NPY5R: variants seen among roughly 807,000 people sequenced by gnomAD.
The protein encoded by NPY5R is neuropeptide Y receptor Y5, also known as neuropeptide Y receptor type 5.
In NPY5R, 21 loss-of-function variants were observed where a neutral mutation model predicts 24.8. The observed-to-expected ratio is 0.85, with a 90% CI of 0.60 to 1.22. The LOEUF (loss-of-function observed/expected upper bound fraction) is 1.22. Ranked by LOEUF, NPY5R falls within the 50% of genes most tolerant of loss-of-function variation. NPY5R has a pLI of 0.00. For missense variants in NPY5R, 481 were observed against 521.3 expected, an observed-to-expected ratio of 0.92 and a Z score of 0.75; for synonymous variants, 175 against 183.0, an observed-to-expected ratio of 0.96 and a Z score of 0.35.
rs1735452031 is a variant in NPY5R, at chr4:163,350,589, C to A, written c.316C>A (p.Gln106Lys). Residue 106 changes from glutamine to lysine, a missense_variant, in exon 4 of 4, where the codon CAG becomes AAG. Physicochemically the swap from Gln to Lys is moderately conservative, Grantham distance 53. Transcript: ENST00000338566. Reference protein sequence around the residue: ...PFTLTSVLLDQWMFGKVMCHI... With the variant: ...PFTLTSVLLDKWMFGKVMCHI... ...CACACTGACGTCTGTCTTGCTGGATCAGTGGATGTTTGGCAAAGTCATGTG... is the reference window on the plus strand; with the variant it reads ...CACACTGACGTCTGTCTTGCTGGATAAGTGGATGTTTGGCAAAGTCATGTG... The A allele has an allele frequency of 6.2e-7, 1 of 1,614,166 alleles. No individual in the cohort carries two copies.
chr4:163,350,601 G>A lies in NPY5R; in HGVS notation c.328G>A (p.Gly110Ser), dbSNP rs79693996. ...TSVLLDQWMF[G>S]KVMCHIMPFL... The stretch of plus-strand genomic sequence containing the variant: ...TGTCTTGCTGGATCAGTGGATGTTT[G>A]GCAAAGTCATGTGCCATATTATGCC... Residue 110 changes from glycine (G) to serine (S), a missense_variant, in exon 4 of 4, where the codon GGC becomes AGC. Gly to Ser is a moderately conservative substitution (Grantham distance 56, BLOSUM62 0). Transcript: ENST00000338566. The A allele has an allele frequency of 3.7e-6, 6 of 1,613,990 alleles. No individual in the cohort carries two copies. The Admixed American group carries it at 5.0e-5, about 13-fold the overall frequency.
At chr4:163,346,338 C>A (rs1424426380) in intron 2 of NPY5R, among the ~76,000 whole-genome samples, 1 of 152,052 alleles carries the variant, frequency 6.6e-6, no homozygotes, top group Admixed American at 6.5e-5. Context: ...CAATTTGGGG[C>A]CTTTTATATC....
chr4:163,345,275 C>A (rs1361113300), intron 1 of NPY5R: 1 of 152,078 alleles, frequency 6.6e-6, no homozygotes, highest in Non-Finnish European at 1.5e-5. Flanking sequence ...TACTTAAAAT[C>A]TATTCAGAAG....
chr4:163,347,010 C>T (rs1735282100), intron 2 of NPY5R, among the ~76,000 whole-genome samples: 1 of 152,108 alleles, frequency 6.6e-6, no homozygotes, highest in Non-Finnish European at 1.5e-5. Context: ...TACATATACA[C>T]ACATATATAT....
Position 163,350,735 on chromosome 4 carries a change from C to G in NPY5R, c.462C>G (p.Asn154Lys). The G allele has an allele frequency of 6.2e-7, 1 of 1,614,118 alleles. No individual in the cohort carries two copies. The highest frequency in any genetic ancestry group is 8.5e-7 in the Non-Finnish European group (1 of 1,179,986). Reference protein sequence around the residue: ...KHPISNNLTANHGYFLIATVW... With the variant: ...KHPISNNLTAKHGYFLIATVW... The stretch of plus-strand genomic sequence containing the variant: ...CCATATCTAATAATTTAACAGCAAA[C>G]CATGGCTACTTTCTGATAGCTACTG... Residue 154 changes from asparagine (N) to lysine (K), a missense_variant, in exon 4 of 4, where the codon AAC becomes AAG. Coordinates refer to ENST00000338566, the MANE Select transcript of NPY5R (RefSeq NM_006174.4).
chr4:163,350,216 C>G (rs1735427067), intron 3 of NPY5R, 49 bp from the exon 4 acceptor site: 1 of 1,373,534 alleles, frequency 7.3e-7, no homozygotes, highest in South Asian at 1.5e-5. Context: ...TTAAAGTAGT[C>G]ATGTAATGTT....
Position 163,351,155 on chromosome 4 carries a change from A to G in NPY5R, c.882A>G (p.Ala294=). 2 of 1,614,118 alleles carry G rather than the reference A, an allele frequency of 1.2e-6. No individual in the cohort carries two copies. Among genetic ancestry groups the G allele is most frequent in the Non-Finnish European group, 8.5e-7 (1 of 1,179,968 alleles). ...GAAGAAGATATAGCAAGAAGACAGC[A>G]TGTGTGTTACCTGCTCCAGAAAGAC... ...KHRRRYSKKT[A]CVLPAPERPS... The change falls in exon 4 of 4, where the codon GCA becomes GCG. Residue 294 remains alanine (A), a synonymous_variant. Coordinates refer to ENST00000338566, the MANE Select transcript of NPY5R (RefSeq NM_006174.4).
chr4:163,350,885 T>G lies in NPY5R; in HGVS notation c.612T>G (p.Ser204=). Residue 204 remains serine (S), a synonymous_variant, in exon 4 of 4, where the codon TCT becomes TCG. Coordinates refer to ENST00000338566, the MANE Select transcript of NPY5R (RefSeq NM_006174.4). ...SRYLCVESWP[S]DSYRIAFTIS... is the part of the protein sequence containing the mutation. ...ATTTATGTGTTGAGTCATGGCCATCTGATTCATACAGAATTGCCTTTACTA... is the reference window on the plus strand; with the variant it reads ...ATTTATGTGTTGAGTCATGGCCATCGGATTCATACAGAATTGCCTTTACTA... 6.2e-7 allele frequency: 1 copy of G among 1,614,192 alleles called. No homozygotes were observed. Among genetic ancestry groups the G allele is most frequent in the South Asian group, 1.1e-5 (1 of 91,082 alleles).
At chr4:163,348,613 C>G (rs1181513803) in intron 3 of NPY5R, among the ~76,000 whole-genome samples, 3 of 151,470 alleles carry the variant, frequency 2.0e-5, no homozygotes, top group African/African-American at 7.3e-5. Context: ...CTACTGCACC[C>G]CAGCCTGGGC....
intron 3 of NPY5R, 158 bp from the exon 4 acceptor site, chr4:163,350,103 CAAAA>C (rs10599966): frequency 0.033 from 5,614 of 172,604 alleles, no homozygotes; most frequent in Middle Eastern, 0.058. Flanking sequence ...GACTCCGTCT[CAAAA>C]AAAAAAAAAA....
chr4:163,344,947 T>C (rs1025003256), intron 1 of NPY5R: 1 of 152,238 alleles, frequency 6.6e-6, no homozygotes, highest in African/African-American at 2.4e-5. Flanking sequence ...ATCTTTCCAA[T>C]TCAAATTGTG....
Position 163,345,911 on chromosome 4 carries a change from G to A in NPY5R, c.-81+158G>A, listed in dbSNP as rs527401235. Among the ~76,000 whole-genome samples the A allele has an allele frequency of 6.6e-5, 10 of 151,684 alleles. 1 individual carries two copies. In the South Asian group the frequency reaches 1.7e-3, roughly 25 times the overall value. On this transcript the variant is annotated intron_variant, in intron 2 of 3. Coordinates refer to ENST00000338566, the MANE Select transcript of NPY5R (RefSeq NM_006174.4). ...GGAGGCACTTTTAAAAAAACTACAC[G>A]TCCACCACCACCCCTCCCCCACCCC...
chr4:163,345,599 A>G (rs1441532781), intron 1 of NPY5R, 115 bp from the exon 2 acceptor site: 1 of 152,224 alleles, frequency 6.6e-6, no homozygotes, highest in African/African-American at 2.4e-5. Context: ...CATAATTTAT[A>G]TAGCAATTTC....
intron 3 of NPY5R, among the ~76,000 whole-genome samples, chr4:163,348,840 A>G (rs998389916): frequency 6.6e-6 from 1 of 152,076 alleles, no homozygotes; most frequent in Non-Finnish European, 1.5e-5. Flanking sequence ...AATGAAGAAA[A>G]CTTATTACCG....
At chr4:163,345,271 A>G (rs1735183595) in intron 1 of NPY5R, 1 of 152,208 alleles carries the variant, frequency 6.6e-6, no homozygotes, top group Admixed American at 6.5e-5. Flanking sequence ...AAAATACTTA[A>G]AATCTATTCA....
At position 163,345,730 on chromosome 4, in the gene NPY5R, T is replaced by C. The variant is rs1260881875; in HGVS notation, c.-104T>C. ...CCATTGTAGGTCTGCTCATTGTGTT[T>C]TTCAGGAAAAAGGAAGGGAAAGGGT... On this transcript the variant is annotated 5_prime_UTR_variant, in exon 2 of 4. Transcript: ENST00000338566. The C allele has an allele frequency of 6.6e-6, 1 of 152,190 alleles. No homozygotes were observed. Among genetic ancestry groups the C allele is most frequent in the Non-Finnish European group, 1.5e-5 (1 of 68,022 alleles). The allele number at this position is 152,190 out of a possible 1,614,324, so 9.4% of individuals were successfully genotyped here. A position where few individuals can be genotyped will look rare whatever the true frequency, so the allele number is the denominator to read the frequency against.
At chr4:163,347,715 G>A (rs1735309675) in intron 3 of NPY5R, among the ~76,000 whole-genome samples, 193 bp downstream of exon 3, 1 of 152,312 alleles carries the variant, frequency 6.6e-6, no homozygotes, top group South Asian at 2.1e-4. Flanking sequence ...GGTGCTGAGA[G>A]GCCATTGACT....
At chr4:163,349,378 TA>T in intron 3 of NPY5R, 1 of 903,296 alleles carries the variant, frequency 1.1e-6, no homozygotes, top group Non-Finnish European at 1.3e-6. Flanking sequence ...TGCTTGTAAA[TA>T]AACAAGGTAG....
chr4:163,349,919 A>T (rs528601387), intron 3 of NPY5R, among the ~76,000 whole-genome samples: 4 of 152,042 alleles, frequency 2.6e-5, no homozygotes, highest in East Asian at 1.9e-4. Context: ...GATCGAGACC[A>T]CGGTGAAACC....
Sources: allele counts gnomAD v4.1 joint callset (sites outside exome capture counted in the v4.1 genomes callset), GRCh38; gene constraint gnomAD v4.1.1; transcripts MANE v1.5; gene names NCBI Gene and HGNC (gene_info 2026-07-23, HGNC 2026-07-21).